CNTNAP4: variants seen among roughly 807,000 people sequenced by gnomAD.
CNTNAP4 encodes contactin-associated protein-like 4.
CNTNAP4 carries 98 observed loss-of-function variants against 148.4 expected under a neutral mutation model. That is an observed-to-expected ratio of 0.66 (90% CI 0.56 to 0.78). The LOEUF is 0.78. Ranked by LOEUF, CNTNAP4 falls within the 30% of genes least tolerant of loss-of-function variation. The pLI is 0.00. For synonymous variants in CNTNAP4, 730 were observed against 565.1 expected, an observed-to-expected ratio of 1.29 and a Z score of -4.14; for missense variants, 1,935 against 1,565.6, an observed-to-expected ratio of 1.24 and a Z score of -3.98.
At chr16:76,485,791 C>G (rs1057000775) in intron 12 of CNTNAP4, among the ~76,000 whole-genome samples, 1 of 152,098 alleles carries the variant, frequency 6.6e-6, no homozygotes, top group South Asian at 2.1e-4. Context: ...TAATAAAGGC[C>G]TTCTTAACAG....
intron 2 of CNTNAP4, among the ~76,000 whole-genome samples, chr16:76,332,538 A>AT (rs1044149035): frequency 4.6e-5 from 7 of 151,296 alleles, no homozygotes; most frequent in South Asian, 4.2e-4. Flanking sequence ...TGCCATTATT[A>AT]TTTTTTTTTA....
At chr16:76,500,770 A>G (rs1018237477) in intron 15 of CNTNAP4, among the ~76,000 whole-genome samples, 1 of 151,556 alleles carries the variant, frequency 6.6e-6, no homozygotes, top group Non-Finnish European at 1.5e-5. Context: ...ATACATATAT[A>G]TGTTTTATAT....
chr16:76,469,517 G>A (rs1353701130), intron 10 of CNTNAP4: 2 of 152,224 alleles, frequency 1.3e-5, no homozygotes, highest in East Asian at 1.9e-4. Flanking sequence ...CGCACACTCT[G>A]AGTGGTAGTG....
chr16:76,479,878 C>T (rs866267902), intron 12 of CNTNAP4, among the ~76,000 whole-genome samples: 4 of 151,946 alleles, frequency 2.6e-5, no homozygotes, highest in East Asian at 3.9e-4. Context: ...ATAAAGTTTA[C>T]GTCTTCTTGT....
At chr16:76,364,233 C>CA (rs58589609) in intron 3 of CNTNAP4, among the ~76,000 whole-genome samples, 952 of 48,162 alleles carry the variant, frequency 0.02, 194 homozygotes, top group African/African-American at 0.058. Context: ...GATTCCATCT[C>CA]AAAAAAAAAA....
At chr16:76,371,348 C>A (rs529649305) in intron 3 of CNTNAP4, among the ~76,000 whole-genome samples, 1 of 152,124 alleles carries the variant, frequency 6.6e-6, no homozygotes, top group African/African-American at 2.4e-5. Context: ...TGCAGTGGCA[C>A]GATCTTGGTT....
At position 76,458,008 on chromosome 16, in the gene CNTNAP4, C is replaced by G. The variant is rs562355580; in HGVS notation, c.1334-3948C>G. The stretch of plus-strand genomic sequence containing the variant: ...TTCCCATCTGTATGACCATGTGTAC[C>G]CAGTGATTAGCTCCCACTTACAAGT... On this transcript the variant is annotated intron_variant, in intron 8 of 23. Transcript: ENST00000611870. 4.6e-5 allele frequency among the ~76,000 whole-genome samples: 7 copies of G among 152,112 alleles called. No individual in the cohort carries two copies. The South Asian group carries it at 1.5e-3, about 32-fold the overall frequency.
intron 3 of CNTNAP4, among the ~76,000 whole-genome samples, chr16:76,409,053 T>G (rs1006052201): frequency 6.6e-6 from 1 of 152,024 alleles, no homozygotes; most frequent in Non-Finnish European, 1.5e-5. Flanking sequence ...TGGCCTAAGA[T>G]TTTGTGACTG....
intron 1 of CNTNAP4, among the ~76,000 whole-genome samples, chr16:76,298,353 C>T (rs947123293): frequency 2.6e-5 from 4 of 152,038 alleles, no homozygotes; most frequent in African/African-American, 9.7e-5. Flanking sequence ...CTGGAGCAGC[C>T]ATATGAAAGG....
At position 76,453,379 on chromosome 16, in the gene CNTNAP4, T is replaced by G. The variant is rs148145083; in HGVS notation, c.1333+610T>G. On this transcript the variant is annotated intron_variant, in intron 8 of 23. Coordinates refer to ENST00000611870, the MANE Select transcript of CNTNAP4 (RefSeq NM_033401.5). Reference sequence around the variant, plus strand: ...GTATTGTTTTAATGATTAGAAGTAATGTACTTGAGGTGACTATATGAGTAT... The same window carrying G: ...GTATTGTTTTAATGATTAGAAGTAAGGTACTTGAGGTGACTATATGAGTAT... Among the ~76,000 whole-genome samples the G allele has an allele frequency of 3.5e-4, 54 of 152,330 alleles. No individual in the cohort carries two copies. The East Asian group carries it at 0.01, about 28-fold the overall frequency.
Position 76,522,156 on chromosome 16 carries a change from T to A in CNTNAP4, c.2654T>A (p.Met885Lys), listed in dbSNP as rs1398916314. 1 of 1,613,974 alleles carries A rather than the reference T, an allele frequency of 6.2e-7. No homozygotes were observed. The highest frequency in any genetic ancestry group is 8.5e-7 in the Non-Finnish European group (1 of 1,179,868). The change falls in exon 17 of 24, where the codon ATG (methionine) becomes AAG (lysine). Residue 885 changes from methionine to lysine, a missense_variant. Transcript: ENST00000611870. ...CACCATGTGAGGGTTGAAAGGAACA[T>A]GAAGGAGGCCTCCCTTCAAGTGGAT... ...QWHHVRVERN[M>K]KEASLQVDQL...
At chr16:76,339,764 C>T (rs1308422693) in intron 2 of CNTNAP4, among the ~76,000 whole-genome samples, 1 of 152,126 alleles carries the variant, frequency 6.6e-6, no homozygotes, top group Admixed American at 6.6e-5. Context: ...AATGAGAAGC[C>T]TCGCTTTTAT....
At chr16:76,420,279 A>ATATTAGAATAATGTATATTCTGTGG (rs1324649016) in intron 3 of CNTNAP4, among the ~76,000 whole-genome samples, 1 of 150,216 alleles carries the variant, frequency 6.7e-6, no homozygotes, top group Non-Finnish European at 1.5e-5. Flanking sequence ...TATAGGAGAT[A>ATATTAGAATAATGTATATTCTGTGG]AATATTAATT....
chr16:76,348,476 A>G (rs1003280825), intron 2 of CNTNAP4, among the ~76,000 whole-genome samples: 2 of 152,150 alleles, frequency 1.3e-5, no homozygotes, highest in Non-Finnish European at 2.9e-5. Context: ...CAAAGGTCTG[A>G]GACCTGGAGA....
At chr16:76,430,182 T>C (rs1688544803) in intron 4 of CNTNAP4, among the ~76,000 whole-genome samples, 1 of 152,196 alleles carries the variant, frequency 6.6e-6, no homozygotes, top group Admixed American at 6.6e-5. Context: ...TATATAGCCA[T>C]CATTTATTAA....
chr16:76,418,229 C>G (rs768974161), intron 3 of CNTNAP4, among the ~76,000 whole-genome samples: 6 of 151,452 alleles, frequency 4.0e-5, no homozygotes, highest in Non-Finnish European at 5.9e-5. Context: ...TGGTATTCCA[C>G]TTACGCATAT....
intron 12 of CNTNAP4, among the ~76,000 whole-genome samples, chr16:76,486,926 G>C (rs546394233): frequency 6.6e-6 from 1 of 152,294 alleles, no homozygotes; most frequent in African/African-American, 2.4e-5. Context: ...GATTGATGCT[G>C]ATTAGATTCT....
chr16:76,284,458 G>T (rs1404832046), intron 1 of CNTNAP4, among the ~76,000 whole-genome samples: 3 of 151,896 alleles, frequency 2.0e-5, no homozygotes, highest in African/African-American at 7.2e-5. Context: ...AAATTACAGA[G>T]TTTTGGAGAC....
At chr16:76,521,036 A>T in intron 15 of CNTNAP4, 104 bp from the exon 16 acceptor site, 1 of 1,099,078 alleles carries the variant, frequency 9.1e-7, no homozygotes, top group Non-Finnish European at 1.3e-6. Context: ...TAACATTTTA[A>T]ATAGCAAAAG....
Sources: gnomAD v4.1 joint callset for allele counts (sites outside exome capture counted in the v4.1 genomes callset) on GRCh38, gnomAD v4.1.1 for gene constraint, MANE v1.5 for transcripts, NCBI Gene and HGNC (gene_info 2026-07-23, HGNC 2026-07-21) for gene names.